DENND3: variants seen among roughly 807,000 people sequenced by gnomAD.
DENND3 encodes DENN domain containing 3.
A neutral mutation model predicts 135.1 loss-of-function variants in DENND3; 88 were observed. That is an observed-to-expected ratio of 0.65 (90% CI 0.55 to 0.78). The LOEUF is 0.78. Ranked by LOEUF, DENND3 falls within the 30% of genes least tolerant of loss-of-function variation. The pLI, the probability that DENND3 is intolerant of heterozygous loss-of-function variation, is 0.00. For missense variants in DENND3, 1,392 were observed against 1,688.4 expected (o/e 0.82, Z 3.08); for synonymous variants, 693 against 712.3 (o/e 0.97, Z 0.43).
In DENND3 at chr8:141,165,173, C is replaced by T; in HGVS notation, c.1450-13C>T. On this transcript the variant is annotated splice_polypyrimidine_tract_variant and intron_variant, in intron 10 of 22. Transcript: ENST00000519811. ...CGGCACAGCCCAGTGACCAGCCCCTCTCTCTTTTCCAGGTCTTAGACACCT... is the reference window on the plus strand; with the variant it reads ...CGGCACAGCCCAGTGACCAGCCCCTTTCTCTTTTCCAGGTCTTAGACACCT... 1 of 1,610,478 alleles carries T rather than the reference C, an allele frequency of 6.2e-7. No individual in the cohort carries two copies. Among genetic ancestry groups the T allele is most frequent in the Non-Finnish European group, 8.5e-7 (1 of 1,176,748 alleles).
At chr8:141,142,176 G>A (rs117082162) in intron 4 of DENND3, 1 of 337,200 alleles carries the variant, frequency 3.0e-6, no homozygotes, top group East Asian at 9.1e-5. Flanking sequence ...GGATGCTTTT[G>A]TGATGTTGGG....
intron 13 of DENND3, among the ~76,000 whole-genome samples, chr8:141,171,587 T>C (rs1397363589): frequency 6.6e-6 from 1 of 152,230 alleles, no homozygotes; most frequent in Non-Finnish European, 1.5e-5. Context: ...AAATGAGGAC[T>C]GGGCATTGTG....
At chr8:141,192,486 G>A in intron 21 of DENND3, 37 bp downstream of exon 21, 1 of 1,612,756 alleles carries the variant, frequency 6.2e-7, no homozygotes, top group Non-Finnish European at 8.5e-7. Flanking sequence ...GCATGTGCGT[G>A]GCCCGGGGCC....
intron 7 of DENND3, 146 bp from the exon 8 acceptor site, chr8:141,155,703 G>A (rs4406443): frequency 4.8e-6 from 5 of 1,034,156 alleles, no homozygotes; most frequent in African/African-American, 1.7e-5. Flanking sequence ...CACTGCACCC[G>A]GCCTATGTGT....
chr8:141,172,173 AGT>A (rs1392049672), intron 13 of DENND3, among the ~76,000 whole-genome samples: 16 of 138,356 alleles, frequency 1.2e-4, no homozygotes, highest in Admixed American at 1.1e-3. Context: ...GGGCGTGCAC[AGT>A]GTGGGTGTAC....
At chr8:141,186,073 G>A (rs1823855119) in intron 18 of DENND3, among the ~76,000 whole-genome samples, 3 of 151,660 alleles carry the variant, frequency 2.0e-5, no homozygotes, top group Admixed American at 2.0e-4. Context: ...TGAGTAACTG[G>A]GACTACAGGT....
chr8:141,173,017 C>T (rs183930674), intron 13 of DENND3, among the ~76,000 whole-genome samples: 1,523 of 150,138 alleles, frequency 0.01, 9 homozygotes, highest in Non-Finnish European at 0.015. Flanking sequence ...CAGTCAGAGG[C>T]GGAGGTGGCT....
In DENND3 at chr8:141,157,821, G is replaced by A. The variant is rs1348020124; in HGVS notation, c.1196+1851G>A. The A allele has an allele frequency of 1.7e-5, 16 of 968,812 alleles. No homozygotes were observed. The Admixed American group carries it at 2.5e-4, about 15-fold the overall frequency. 60.0% of individuals were successfully genotyped at this position (968,812 alleles called of 1,614,324 possible). ...GTCACCCAGGCTGGGGTGCAGTGGC[G>A]TGATCTTGGCTCACTGCAACCTCCG... On this transcript the variant is annotated intron_variant, in intron 8 of 22. Transcript: ENST00000519811.
chr8:141,130,337 T>A lies in DENND3; in HGVS notation c.102+1528T>A, dbSNP rs950571021. ...CTCCCGCCTCAGCCTTTCAAAGTGC[T>A]GGGATTACAGGCGTGAGCCACTGCG... On this transcript the variant is annotated intron_variant, in intron 1 of 22. Transcript: ENST00000519811. This position sits in a 1 kb window ranked among gnomAD's most constrained non-coding sequence, Gnocchi z 4.2. Among the ~76,000 whole-genome samples, 1 of 152,208 alleles carries A rather than the reference T, an allele frequency of 6.6e-6. No homozygotes were observed. The highest frequency in any genetic ancestry group is 1.5e-5 in the Non-Finnish European group (1 of 68,024).
rs146617902 is a variant in DENND3 at position 141,152,617 on chromosome 8, C to T, written c.1074+780C>T. 9.1e-3 allele frequency among the ~76,000 whole-genome samples: 1,387 copies of T among 152,288 alleles called. 10 individuals are homozygous for T. Among genetic ancestry groups the T allele is most frequent in the Middle Eastern group, 0.027 (8 of 294 alleles). On this transcript the variant is annotated intron_variant, in intron 7 of 22. Coordinates refer to ENST00000519811, the MANE Select transcript of DENND3 (RefSeq NM_001352890.3). ...ATAAATAGACCGAGTTTTGTCCATC[C>T]ACTCACAATGAGGTCGTCGTGATAA...
At chr8:141,178,605 C>A (rs1288809432) in intron 16 of DENND3, among the ~76,000 whole-genome samples, 1 of 152,172 alleles carries the variant, frequency 6.6e-6, no homozygotes, top group Non-Finnish European at 1.5e-5. Context: ...CAGTTAGGAA[C>A]ACACCTGCTG....
At chr8:141,162,836 C>A (rs1364253937) in intron 9 of DENND3, among the ~76,000 whole-genome samples, 1 of 152,216 alleles carries the variant, frequency 6.6e-6, no homozygotes, top group East Asian at 1.9e-4. Flanking sequence ...ATCACTTGAA[C>A]CTGGGAGGTG....
rs1399933522 is a variant in DENND3, at chr8:141,138,116, C to A, written c.480C>A (p.Ala160=). 1 of 1,607,352 alleles carries A rather than the reference C, an allele frequency of 6.2e-7. No homozygotes were observed. The highest frequency in any genetic ancestry group is 8.5e-7 in the Non-Finnish European group (1 of 1,176,552). The part of the protein sequence containing the change: ...VCGNRTYGVV[A]QYYRPLHDEY... Reference sequence around the variant, plus strand: ...GGAATAGGACCTATGGCGTGGTGGCCCAGTACTACCGGCCCCTGCATGTAG... The same window carrying A: ...GGAATAGGACCTATGGCGTGGTGGCACAGTACTACCGGCCCCTGCATGTAG... Residue 160 remains alanine, a synonymous_variant, in exon 3 of 23, where the codon GCC becomes GCA. Transcript: ENST00000519811. The surrounding 1 kb of genome is among the most constrained non-coding windows in gnomAD (Gnocchi z 4.8).
At position 141,192,170 on chromosome 8, in the gene DENND3, T is replaced by G. The variant is rs1031782796; in HGVS notation, c.3380-161T>G. 1.1e-5 allele frequency: 10 copies of G among 901,146 alleles called. No individual in the cohort carries two copies. The East Asian group carries it at 2.7e-4, about 24-fold the overall frequency. 55.8% of individuals were successfully genotyped at this position (901,146 alleles called of 1,614,324 possible). A position where few individuals can be genotyped will look rare whatever the true frequency, so the allele number is the denominator to read the frequency against. ...AGACCCAGGGTTCTAGCTTGCATTTTTTCCCAGTAGACCTCACCTGTGCAT... is the reference window on the plus strand; with the variant it reads ...AGACCCAGGGTTCTAGCTTGCATTTGTTCCCAGTAGACCTCACCTGTGCAT... On this transcript the variant is annotated intron_variant, in intron 20 of 22. Coordinates refer to ENST00000519811, the MANE Select transcript of DENND3 (RefSeq NM_001352890.3).
intron 16 of DENND3, 28 bp from the exon 17 acceptor site, chr8:141,180,719 G>A (rs1822985705): frequency 1.2e-6 from 2 of 1,601,540 alleles, no homozygotes; most frequent in Non-Finnish European, 1.7e-6. Flanking sequence ...GGCTGCAACA[G>A]TAACACTCCA....
chr8:141,171,038 A>G (rs1295177307), intron 13 of DENND3, among the ~76,000 whole-genome samples: 1 of 152,184 alleles, frequency 6.6e-6, no homozygotes, highest in Non-Finnish European at 1.5e-5. Context: ...CCTGTCCAGC[A>G]GACCTGGCTG....
chr8:141,173,844 C>T (rs551572998), intron 13 of DENND3: 1 of 152,446 alleles, frequency 6.6e-6, no homozygotes, highest in Non-Finnish European at 1.5e-5. Flanking sequence ...AAGGGCTTTC[C>T]TCTCTGTGTC....
chr8:141,159,010 G>A (rs181467284), intron 8 of DENND3, among the ~76,000 whole-genome samples: 3 of 152,224 alleles, frequency 2.0e-5, no homozygotes, highest in African/African-American at 2.4e-5. Flanking sequence ...GGCATTCTGC[G>A]TGTTCTTTCA....
Position 141,175,452 on chromosome 8 carries a change from A to T in DENND3, c.2528A>T (p.Asn843Ile). The T allele has an allele frequency of 6.2e-7, 1 of 1,614,160 alleles. No individual in the cohort carries two copies. Among genetic ancestry groups the T allele is most frequent in the Non-Finnish European group, 8.5e-7 (1 of 1,180,028 alleles). Reference protein sequence around the residue: ...PGYLEISTFRNIEEVRRTTTT... With the variant: ...PGYLEISTFRIIEEVRRTTTT... Reference sequence around the variant, plus strand: ...TACTTGGAGATTTCCACCTTCAGAAATATAGAGGTAAGGACAGCACAGGCA... The same window carrying T: ...TACTTGGAGATTTCCACCTTCAGAATTATAGAGGTAAGGACAGCACAGGCA... Residue 843 changes from asparagine (N) to isoleucine (I), a missense_variant, in exon 14 of 23, where the codon AAT becomes ATT. Coordinates refer to ENST00000519811, the MANE Select transcript of DENND3 (RefSeq NM_001352890.3). This position sits in a 1 kb window ranked among gnomAD's most constrained non-coding sequence, Gnocchi z 5.4.
Sources: gnomAD v4.1 joint callset for allele counts (sites outside exome capture counted in the v4.1 genomes callset) on GRCh38, gnomAD v4.1.1 for gene constraint, Gnocchi (gnomAD v3.1) non-coding constraint, MANE v1.5 for transcripts, NCBI Gene and HGNC (gene_info 2026-07-23, HGNC 2026-07-21) for gene names.